The following L3MBTL4 variants were observed in gnomAD, a reference collection of about 807,000 sequenced individuals.
The protein encoded by L3MBTL4 is L3MBTL histone methyl-lysine binding protein 4, also known as lethal(3)malignant brain tumor-like protein 4.
L3MBTL4 carries 70 observed loss-of-function variants against 84.5 expected under a neutral mutation model. The ratio of observed to expected loss-of-function variants is 0.83; its 90% CI spans 0.68 to 1.01. The LOEUF (loss-of-function observed/expected upper bound fraction) is 1.01, where lower values mean the gene tolerates loss of function less well. Among genes scored for constraint, L3MBTL4 ranks in the 50% least tolerant of loss-of-function variants. The pLI is 0.00. For synonymous variants in L3MBTL4, 274 were observed against 259.8 expected, an observed-to-expected ratio of 1.05 and a Z score of -0.52; for missense variants, 715 against 754.8, an observed-to-expected ratio of 0.95 and a Z score of 0.62.
chr18:5,956,498 G>T, intron 18 of L3MBTL4, 111 bp from the exon 19 acceptor site: 1 of 893,886 alleles, frequency 1.1e-6, no homozygotes, highest in Non-Finnish European at 1.7e-6. Flanking sequence ...TAGCCTCCGT[G>T]TTGAGCTCAC....
chr18:5,981,536 C>G (rs2053216028), intron 16 of L3MBTL4, among the ~76,000 whole-genome samples: 1 of 152,146 alleles, frequency 6.6e-6, no homozygotes, highest in Non-Finnish European at 1.5e-5. Flanking sequence ...GTTCCAAGGG[C>G]TAGGTGCAGT....
intron 12 of L3MBTL4, among the ~76,000 whole-genome samples, chr18:6,186,373 A>G (rs985000003): frequency 6.6e-6 from 1 of 151,448 alleles, no homozygotes; most frequent in African/African-American, 2.4e-5. Flanking sequence ...TGTGGTGGCC[A>G]TGAGGAAGTG....
intron 14 of L3MBTL4, among the ~76,000 whole-genome samples, chr18:6,117,334 G>T (rs779809698): frequency 1.3e-5 from 2 of 152,162 alleles, no homozygotes; most frequent in Non-Finnish European, 2.9e-5. Context: ...TAGGAGCTGA[G>T]GTCTGTCTCA....
intron 1 of L3MBTL4, among the ~76,000 whole-genome samples, chr18:6,398,347 A>T (rs2055362815): frequency 1.3e-5 from 2 of 152,168 alleles, no homozygotes; most frequent in African/African-American, 2.4e-5. Flanking sequence ...GCAGGTTAAG[A>T]CAAAAGAATG....
At chr18:6,137,280 T>TAA (rs751616831) in intron 14 of L3MBTL4, among the ~76,000 whole-genome samples, 3 of 152,222 alleles carry the variant, frequency 2.0e-5, no homozygotes, top group Non-Finnish European at 4.4e-5. Context: ...TTTTTTCTTT[T>TAA]AAGTGTTAAT....
chr18:6,399,264 C>G (rs891665591), intron 1 of L3MBTL4, among the ~76,000 whole-genome samples: 2 of 151,986 alleles, frequency 1.3e-5, no homozygotes, highest in African/African-American at 4.8e-5. Context: ...ATGGTGAAAC[C>G]CCATGTCTAC....
intron 16 of L3MBTL4, among the ~76,000 whole-genome samples, chr18:6,072,948 A>C (rs2057737372): frequency 7.4e-6 from 1 of 134,774 alleles, no homozygotes; most frequent in African/African-American, 2.8e-5. Context: ...ATTTAAAAAC[A>C]AAATATCTAA....
At chr18:6,339,992 A>AT (rs972780831) in intron 1 of L3MBTL4, among the ~76,000 whole-genome samples, 32 of 152,154 alleles carry the variant, frequency 2.1e-4, no homozygotes, top group Non-Finnish European at 4.4e-4. Context: ...TCTTCCAAAT[A>AT]TTTTTTTAAA....
intron 1 of L3MBTL4, among the ~76,000 whole-genome samples, chr18:6,361,034 A>G (rs2053670689): frequency 1.3e-5 from 2 of 151,722 alleles, no homozygotes; most frequent in African/African-American, 4.8e-5. Context: ...AAAAAAAAAA[A>G]AAAAGATACT....
intron 16 of L3MBTL4, among the ~76,000 whole-genome samples, chr18:6,055,418 A>T (rs2056986644): frequency 6.6e-6 from 1 of 152,210 alleles, no homozygotes; most frequent in Admixed American, 6.5e-5. Context: ...CCAACCGTTA[A>T]GAGGAAGAAC....
intron 10 of L3MBTL4, among the ~76,000 whole-genome samples, chr18:6,225,893 T>A (rs143038185): frequency 1.9e-3 from 284 of 152,106 alleles, no homozygotes; most frequent in African/African-American, 6.6e-3. Flanking sequence ...AAAATGTCTG[T>A]ACAATGTTAA....
chr18:6,204,518 A>G (rs903103699), intron 12 of L3MBTL4, among the ~76,000 whole-genome samples: 17 of 152,262 alleles, frequency 1.1e-4, no homozygotes, highest in Admixed American at 1.3e-4. Context: ...AAAAAAACAT[A>G]TATGTGCATC....
At chr18:6,084,825 G>A (rs1333373547) in intron 15 of L3MBTL4, among the ~76,000 whole-genome samples, 1 of 152,218 alleles carries the variant, frequency 6.6e-6, no homozygotes, top group Non-Finnish European at 1.5e-5. Flanking sequence ...TTCAGGAGAT[G>A]AGTTTGAACT....
intron 10 of L3MBTL4, among the ~76,000 whole-genome samples, chr18:6,225,207 T>G (rs931586791): frequency 6.6e-6 from 1 of 152,212 alleles, no homozygotes; most frequent in Non-Finnish European, 1.5e-5. Context: ...GAGGGACAGA[T>G]AGAGAAACTC....
chr18:6,290,151 A>G (rs1244355590), intron 4 of L3MBTL4, among the ~76,000 whole-genome samples: 1 of 152,254 alleles, frequency 6.6e-6, no homozygotes, highest in East Asian at 1.9e-4. Flanking sequence ...CCTGGGCTCA[A>G]ACGATCCTAC....
rs1039738546 is a variant in L3MBTL4 at position 6,080,874 on chromosome 18, T to C, written c.1444+7A>G. ...ATTCTGTGTTTTGCTAGTGTTTTTG[T>C]TTTTACCTCTGAAGAGATTATCCAA... On this transcript the variant is annotated splice_region_variant and intron_variant, in intron 16 of 18. Transcript: ENST00000317931. The C allele has an allele frequency of 1.3e-6, 2 of 1,590,578 alleles. No homozygotes were observed. The highest frequency in any genetic ancestry group is 4.4e-4 in the Middle Eastern group (2 of 4,506).
intron 10 of L3MBTL4, among the ~76,000 whole-genome samples, chr18:6,218,493 A>G (rs74560783): frequency 0.035 from 5,318 of 152,158 alleles, 322 homozygotes; most frequent in African/African-American, 0.12. Flanking sequence ...GATGTGAGGT[A>G]AGTAAGAGAG....
At chr18:6,334,902 T>C (rs2052251247) in intron 1 of L3MBTL4, among the ~76,000 whole-genome samples, 1 of 152,168 alleles carries the variant, frequency 6.6e-6, no homozygotes, top group South Asian at 2.1e-4. Flanking sequence ...TCATTAAATA[T>C]ATTTCTGAAA....
chr18:6,174,260 A>C (rs2044118699), intron 12 of L3MBTL4, among the ~76,000 whole-genome samples: 1 of 152,148 alleles, frequency 6.6e-6, no homozygotes, highest in African/African-American at 2.4e-5. Context: ...ATTTGTGAAG[A>C]AGTGGTCAAC....
Sources: gnomAD v4.1 joint callset for allele counts (sites outside exome capture counted in the v4.1 genomes callset) on GRCh38, gnomAD v4.1.1 for gene constraint, MANE v1.5 for transcripts, NCBI Gene and HGNC (gene_info 2026-07-23, HGNC 2026-07-21) for gene names.